The following KPNA4 variants were observed in gnomAD, a reference collection of about 807,000 sequenced individuals.
The protein encoded by KPNA4 is importin subunit alpha-3.
KPNA4 carries 13 observed loss-of-function variants against 71.3 expected under a neutral mutation model. That is an observed-to-expected ratio of 0.18 (90% confidence interval 0.12 to 0.29). The LOEUF is 0.29. Ranked by LOEUF, KPNA4 falls within the 10% of genes least tolerant of loss-of-function variation. The pLI, the probability that KPNA4 is intolerant of heterozygous loss-of-function variation, is 1.00. For missense variants in KPNA4, 334 were observed against 603.2 expected, an observed-to-expected ratio of 0.55 and a Z score of 4.67; for synonymous variants, 189 against 195.2, an observed-to-expected ratio of 0.97 and a Z score of 0.26.
At chr3:160,548,898 T>A (rs1375880071) in intron 1 of KPNA4, among the ~76,000 whole-genome samples, 1 of 152,220 alleles carries the variant, frequency 6.6e-6, no homozygotes, top group Non-Finnish European at 1.5e-5. Flanking sequence ...CATTTTACAT[T>A]CTCACCAATA....
At chr3:160,517,788 T>TG (rs1313217052) in intron 11 of KPNA4, among the ~76,000 whole-genome samples, 1 of 150,968 alleles carries the variant, frequency 6.6e-6, no homozygotes. Context: ...TCAAATATTT[T>TG]GCCAAGTTAA....
intron 1 of KPNA4, among the ~76,000 whole-genome samples, chr3:160,556,808 G>GA (rs1420041972): frequency 1.3e-5 from 2 of 152,088 alleles, no homozygotes; most frequent in East Asian, 1.9e-4. Flanking sequence ...AACATTAAGA[G>GA]AAAAAACGTG....
At chr3:160,518,457 T>C (rs1721276126) in intron 11 of KPNA4, among the ~76,000 whole-genome samples, 2 of 151,400 alleles carry the variant, frequency 1.3e-5, no homozygotes, top group Non-Finnish European at 2.9e-5. Flanking sequence ...TTGCATGTAG[T>C]ATGAAGTGGG....
chr3:160,515,114 C>A, intron 12 of KPNA4: 1 of 520,290 alleles, frequency 1.9e-6, no homozygotes, highest in Non-Finnish European at 3.8e-6. Flanking sequence ...CACACACATG[C>A]ATACACACTC....
chr3:160,511,035 C>G (rs1347668986), intron 13 of KPNA4, among the ~76,000 whole-genome samples: 2 of 152,012 alleles, frequency 1.3e-5, no homozygotes, highest in African/African-American at 4.8e-5. Context: ...AAGTGATCTG[C>G]CCGCCTCAGC....
rs779249875 is a variant in KPNA4, at chr3:160,515,521, T to C, written c.963A>G (p.Val321=). The change falls in exon 12 of 17, where the codon GTA becomes GTG. Residue 321 remains valine (V), a synonymous_variant. Transcript: ENST00000334256. ...GTGAAAGAGCATCACAGTTCAAAACTACTTGTGTTTGCTCATCAGTTCCAG... is the reference window on the plus strand; with the variant it reads ...GTGAAAGAGCATCACAGTTCAAAACCACTTGTGTTTGCTCATCAGTTCCAG... The part of the protein sequence containing the change: ...IVTGTDEQTQ[V]VLNCDALSHF... 8.1e-6 allele frequency: 13 copies of C among 1,613,820 alleles called. No individual in the cohort carries two copies. The African/African-American group carries it at 1.7e-4, about 22-fold the overall frequency.
chr3:160,519,801 C>CAAAAAA lies in KPNA4; in HGVS notation c.903+1972_903+1977dup, dbSNP rs558355699. ...TGGGCGACAGAGCGAGACTCCGTCT[C>CAAAAAA]AAAAAAAAAAAAAAAAAAAAAAAAA... On this transcript the variant is annotated intron_variant, in intron 11 of 16. Transcript: ENST00000334256. Among the ~76,000 whole-genome samples the CAAAAAA allele has an allele frequency of 2.2e-3, 184 of 83,666 alleles. 2 individuals carry two copies. The East Asian group carries it at 0.025, about 12-fold the overall frequency. 54.9% of individuals were successfully genotyped at this position (83,666 alleles called of 152,430 possible).
chr3:160,509,989 T>C, intron 13 of KPNA4, 118 bp from the exon 14 acceptor site: 1 of 694,534 alleles, frequency 1.4e-6, no homozygotes, highest in South Asian at 1.7e-5. Context: ...AGTCTTTCTG[T>C]ATATATCATT....
intron 8 of KPNA4, among the ~76,000 whole-genome samples, chr3:160,527,746 A>G (rs1168945212): frequency 6.6e-6 from 1 of 152,190 alleles, no homozygotes; most frequent in Non-Finnish European, 1.5e-5. Context: ...CTAACTATAT[A>G]CCAAAAAAAT....
At chr3:160,549,236 T>C (rs1357404003) in intron 1 of KPNA4, among the ~76,000 whole-genome samples, 1 of 152,236 alleles carries the variant, frequency 6.6e-6, no homozygotes, top group Admixed American at 6.5e-5. Flanking sequence ...ATTCTGCAGG[T>C]TGTCTTTTCA....
chr3:160,535,816 A>C lies in KPNA4; in HGVS notation c.196T>G (p.Tyr66Asp), dbSNP rs1419458040. 1 of 1,539,508 alleles carries C rather than the reference A, an allele frequency of 6.5e-7. No homozygotes were observed. Among genetic ancestry groups the C allele is most frequent in the Non-Finnish European group, 8.7e-7 (1 of 1,154,270 alleles). ...ICEDSDIDGD[Y>D]RVQNTSLEAI... ...CAATAACAATGACTTACCACTCTAT[A>C]ATCACCATCTATATCAGAGTCTTCA... The change falls in exon 3 of 17, where the codon TAT becomes GAT. Residue 66 changes from tyrosine to aspartate, a missense_variant. By Grantham distance (160) the Tyr-to-Asp change is radical. Coordinates refer to ENST00000334256, the MANE Select transcript of KPNA4 (RefSeq NM_002268.5).
rs150315079 is a variant in KPNA4 at position 160,516,747 on chromosome 3, G to A, written c.904-1167C>T. ...TGATCATACCACTGCACTCCAGCCT[G>A]GACAACAGAGTAAGACCCTGTCAAA... On this transcript the variant is annotated intron_variant, in intron 11 of 16. Coordinates refer to ENST00000334256, the MANE Select transcript of KPNA4 (RefSeq NM_002268.5). Among the ~76,000 whole-genome samples, 1,043 of 152,062 alleles carry A rather than the reference G, an allele frequency of 6.9e-3. 8 individuals carry two copies. Among genetic ancestry groups the A allele is most frequent in the Middle Eastern group, 0.014 (4 of 294 alleles).
In KPNA4 at chr3:160,531,599, C is replaced by T. The variant is rs374412716; in HGVS notation, c.288-42G>A. ...CACTCCTGTGAAACTTAATAACATA[C>T]AATATTATGATTAAATATAAATTCA... is the stretch of plus-strand genomic sequence containing the variant. On this transcript the variant is annotated intron_variant, in intron 5 of 16. Transcript: ENST00000334256. The T allele has an allele frequency of 3.2e-5, 31 of 965,668 alleles. No individual in the cohort carries two copies. The African/African-American group carries it at 4.5e-4, about 14-fold the overall frequency. 59.8% of individuals were successfully genotyped at this position (965,668 alleles called of 1,614,324 possible).
intron 8 of KPNA4, 77 bp downstream of exon 8, chr3:160,527,876 T>A (rs1408351272): frequency 1.4e-5 from 15 of 1,088,608 alleles, no homozygotes; most frequent in Non-Finnish European, 2.0e-5. Context: ...TTTTCTCTTT[T>A]GGATTACTAG....
intron 1 of KPNA4, among the ~76,000 whole-genome samples, chr3:160,554,750 A>C (rs970339338): frequency 2.0e-5 from 3 of 152,226 alleles, no homozygotes; most frequent in African/African-American, 7.2e-5. Context: ...TTTCCATAAA[A>C]ACTCAAAATG....
At chr3:160,544,941 T>C (rs1042227586) in intron 1 of KPNA4, among the ~76,000 whole-genome samples, 11 of 152,338 alleles carry the variant, frequency 7.2e-5, no homozygotes, top group South Asian at 2.1e-4. Context: ...AATAGTATTA[T>C]AGGATTTTGT....
At chr3:160,545,893 C>T (rs918542203) in intron 1 of KPNA4, among the ~76,000 whole-genome samples, 1 of 152,120 alleles carries the variant, frequency 6.6e-6, no homozygotes, top group Non-Finnish European at 1.5e-5. Flanking sequence ...AATGATTTTA[C>T]GGTTTTTGAT....
intron 2 of KPNA4, 30 bp downstream of exon 2, chr3:160,536,765 CT>C: frequency 1.4e-6 from 2 of 1,400,160 alleles, no homozygotes; most frequent in Non-Finnish European, 1.0e-6. Flanking sequence ...TAGAATTATG[CT>C]TAGAAGTACC....
At chr3:160,532,384 T>C (rs1000466920) in intron 5 of KPNA4, among the ~76,000 whole-genome samples, 39 of 152,226 alleles carry the variant, frequency 2.6e-4, no homozygotes, top group African/African-American at 9.2e-4. Context: ...TAATTCTTCC[T>C]TCTACTTTAC....
Sources: gnomAD v4.1 joint callset for allele counts (sites outside exome capture counted in the v4.1 genomes callset) on GRCh38, gnomAD v4.1.1 for gene constraint, MANE v1.5 for transcripts, NCBI Gene and HGNC (gene_info 2026-07-23, HGNC 2026-07-21) for gene names.